SETD2: variants seen among roughly 807,000 people sequenced by gnomAD.
The protein encoded by SETD2 is histone-lysine N-methyltransferase SETD2.
SETD2 carries 31 observed loss-of-function variants against 242.1 expected under a neutral mutation model. That is an observed-to-expected ratio of 0.13 (90% CI 0.10 to 0.17). The LOEUF is 0.17. Among genes scored for constraint, SETD2 ranks in the 10% least tolerant of loss-of-function variants. The probability of loss-of-function intolerance (pLI) is 1.00; values close to 1 mark genes in which losing one functional copy is unlikely to be tolerated. For missense variants in SETD2, 2,481 were observed against 3,046.3 expected, an observed-to-expected ratio of 0.81 and a Z score of 4.37; for synonymous variants, 1,006 against 1,066.5, an observed-to-expected ratio of 0.94 and a Z score of 1.11.
intron 14 of SETD2, among the ~76,000 whole-genome samples, chr3:47,059,665 G>A (rs930482211): frequency 3.9e-5 from 6 of 151,982 alleles, no homozygotes; most frequent in Admixed American, 6.6e-5. Context: ...TGATCCACTC[G>A]CCTCGGCCTC....
chr3:47,154,716 G>A (rs564919356), intron 1 of SETD2, among the ~76,000 whole-genome samples: 139 of 152,032 alleles, frequency 9.1e-4, no homozygotes, highest in Middle Eastern at 3.4e-3. Context: ...AACATTGGCC[G>A]GGCGCGGTGG....
intron 13 of SETD2, among the ~76,000 whole-genome samples, chr3:47,064,091 A>G (rs111970477): frequency 0.012 from 1,854 of 152,248 alleles, 20 homozygotes; most frequent in Non-Finnish European, 0.02. Context: ...TTGCTCTCTT[A>G]TTGAGAATTT....
intron 5 of SETD2, among the ~76,000 whole-genome samples, chr3:47,109,334 G>C (rs902151593): frequency 6.6e-6 from 1 of 152,160 alleles, no homozygotes; most frequent in Admixed American, 6.6e-5. Flanking sequence ...CAACTTTTCT[G>C]TAAGTTTGAA....
At chr3:47,109,463 C>T (rs145471415) in intron 5 of SETD2, among the ~76,000 whole-genome samples, 137 of 151,986 alleles carry the variant, frequency 9.0e-4, no homozygotes, top group Middle Eastern at 6.8e-3. Flanking sequence ...CTGGGCAACA[C>T]GGCAAAACCC....
intron 17 of SETD2, among the ~76,000 whole-genome samples, chr3:47,040,569 A>AT (rs34309892): frequency 0.022 from 2,016 of 91,664 alleles, 74 homozygotes; most frequent in African/African-American, 0.047. Flanking sequence ...AGGGAAAAGG[A>AT]TTTTTTTTTT....
intron 3 of SETD2, 71 bp from the exon 4 acceptor site, chr3:47,116,825 T>C: frequency 3.6e-6 from 4 of 1,108,726 alleles, no homozygotes; most frequent in Non-Finnish European, 2.6e-6. Context: ...TATAATCAAA[T>C]ATGTGCCAAA....
At chr3:47,111,631 G>A (rs1419890107) in intron 5 of SETD2, among the ~76,000 whole-genome samples, 1 of 151,924 alleles carries the variant, frequency 6.6e-6, no homozygotes, top group Non-Finnish European at 1.5e-5. Context: ...AAAACTTAGA[G>A]GAGAAGAGAA....
intron 11 of SETD2, 106 bp downstream of exon 11, chr3:47,086,089 C>A: frequency 8.0e-7 from 1 of 1,242,832 alleles, no homozygotes. Context: ...TATTTAATAC[C>A]AATGATACAG....
chr3:47,144,206 A>G (rs930282356), intron 1 of SETD2, among the ~76,000 whole-genome samples: 2 of 152,186 alleles, frequency 1.3e-5, no homozygotes, highest in Non-Finnish European at 2.9e-5. Context: ...AGGGCAAAAT[A>G]TCAGAAGCCA....
chr3:47,144,382 T>C (rs1160389239), intron 1 of SETD2, among the ~76,000 whole-genome samples: 1 of 152,156 alleles, frequency 6.6e-6, no homozygotes, highest in Non-Finnish European at 1.5e-5. Flanking sequence ...CTCATGCCTG[T>C]AATCCCAGCA....
chr3:47,037,205 G>C (rs1386432783), intron 18 of SETD2, among the ~76,000 whole-genome samples: 4 of 150,156 alleles, frequency 2.7e-5, no homozygotes, highest in Non-Finnish European at 5.9e-5. Flanking sequence ...ATGTATACAT[G>C]TGCCATGTTG....
At chr3:47,059,974 G>A (rs916519217) in intron 14 of SETD2, among the ~76,000 whole-genome samples, 8 of 152,010 alleles carry the variant, frequency 5.3e-5, no homozygotes, top group Non-Finnish European at 7.4e-5. Context: ...TAATAAAGAC[G>A]GGGTTTCACC....
chr3:47,073,962 C>G (rs1377759470), intron 12 of SETD2, among the ~76,000 whole-genome samples: 1 of 152,144 alleles, frequency 6.6e-6, no homozygotes, highest in Non-Finnish European at 1.5e-5. Context: ...CAGACTGTAG[C>G]TCAACAACAC....
intron 1 of SETD2, among the ~76,000 whole-genome samples, chr3:47,146,445 T>G (rs1032122941): frequency 1.3e-5 from 2 of 151,998 alleles, no homozygotes; most frequent in African/African-American, 4.8e-5. Flanking sequence ...CTGGCCAACA[T>G]AGCGAAACCC....
In SETD2 at chr3:47,120,492, C is replaced by A. The variant is rs779944664; in HGVS notation, c.4144G>T (p.Ala1382Ser). Reference protein sequence around the residue: ...ISSNSIKDTLAVNEKKDFSKN... With the variant: ...ISSNSIKDTLSVNEKKDFSKN... ...GAAAAATCTTTCTTTTCATTCACAGCTAAAGTGTCCTTAATGGAATTGCTG... is the reference window on the plus strand; with the variant it reads ...GAAAAATCTTTCTTTTCATTCACAGATAAAGTGTCCTTAATGGAATTGCTG... The change falls in exon 3 of 21, where the codon GCT becomes TCT. Residue 1382 changes from alanine to serine, a missense_variant. Coordinates refer to ENST00000409792, the MANE Select transcript of SETD2 (RefSeq NM_014159.7). 28 of 1,613,800 alleles carry A rather than the reference C, an allele frequency of 1.7e-5. No individual in the cohort carries two copies. In the East Asian group the frequency reaches 6.2e-4, roughly 36 times the overall value.
rs1379102709 is a variant in SETD2, at chr3:47,124,239, G to A, written c.397C>T (p.Pro133Ser). 4.5e-6 allele frequency: 7 copies of A among 1,551,644 alleles called. No individual in the cohort carries two copies. Among genetic ancestry groups the A allele is most frequent in the Non-Finnish European group, 5.2e-6 (6 of 1,147,008 alleles). The change falls in exon 3 of 21, where the codon CCA becomes TCA. Residue 133 changes from proline (P) to serine (S), a missense_variant. Pro to Ser is a moderately conservative substitution (Grantham distance 74). Coordinates refer to ENST00000409792, the MANE Select transcript of SETD2 (RefSeq NM_014159.7). Reference protein sequence around the residue: ...TLSTAEESSPPKSRVELGKIH... With the variant: ...TLSTAEESSPSKSRVELGKIH... ...TTGCCCAATTCCACCCTTGACTTTG[G>A]TGGGGAAGATTCTTCTGCAGTAGAT... is the stretch of plus-strand genomic sequence containing the variant.
intron 10 of SETD2, 48 bp downstream of exon 10, chr3:47,088,065 A>G (rs760436843): frequency 1.3e-6 from 2 of 1,566,182 alleles, no homozygotes; most frequent in African/African-American, 2.7e-5. Flanking sequence ...TCATTCATTC[A>G]TTCCCACCAC....
rs151241490 is a variant in SETD2, at chr3:47,038,307, G to A, written c.7239-530C>T. ...GTTTAATGACTGACAAGAAAAATAC[G>A]TACAGGTTAAAAACTTGTACCCCTG... On this transcript the variant is annotated intron_variant, in intron 17 of 20. Transcript: ENST00000409792. 2.2e-3 allele frequency among the ~76,000 whole-genome samples: 336 copies of A among 152,046 alleles called. 1 individual carries two copies. Among genetic ancestry groups the A allele is most frequent in the African/African-American group, 7.4e-3 (308 of 41,462 alleles).
rs779650219 is a variant in SETD2, at chr3:47,084,214, T to A, written c.5566A>T (p.Asn1856Tyr). The change falls in exon 12 of 21, where the codon AAC (asparagine) becomes TAC (tyrosine). Residue 1856 changes from asparagine to tyrosine, a missense_variant. Asn to Tyr is a moderately radical substitution (Grantham distance 143, BLOSUM62 -2). Coordinates refer to ENST00000409792, the MANE Select transcript of SETD2 (RefSeq NM_014159.7). ...ENTSRAHTPL[N>Y]TPDPSTKLST... ...AGCTTGGTGGAAGGATCAGGTGTGT[T>A]GAGTGGTGTATGAGCACGCGATGTA... 2 of 1,614,138 alleles carry A rather than the reference T, an allele frequency of 1.2e-6. No individual in the cohort carries two copies.
Sources: gnomAD v4.1 joint callset for allele counts (sites outside exome capture counted in the v4.1 genomes callset) on GRCh38, gnomAD v4.1.1 for gene constraint, MANE v1.5 for transcripts, NCBI Gene and HGNC (gene_info 2026-07-23, HGNC 2026-07-21) for gene names.